FUT8: variants seen among roughly 807,000 people sequenced by gnomAD.
FUT8 encodes alpha-(1,6)-fucosyltransferase.
In FUT8, 29 loss-of-function variants were observed where a neutral mutation model predicts 71.3. The observed-to-expected ratio is 0.41, with a 90% CI of 0.30 to 0.55. The LOEUF is 0.55. Ranked by LOEUF, FUT8 falls within the 20% of genes least tolerant of loss-of-function variation. The pLI is 0.34. For synonymous variants in FUT8, 254 were observed against 239.3 expected, an observed-to-expected ratio of 1.06 and a Z score of -0.57; for missense variants, 544 against 702.1, an observed-to-expected ratio of 0.77 and a Z score of 2.55.
At chr14:65,555,880 TA>T (rs932507388) in intron 2 of FUT8, among the ~76,000 whole-genome samples, 11 of 152,236 alleles carry the variant, frequency 7.2e-5, no homozygotes, top group African/African-American at 2.7e-4. Context: ...GGTATTAGTA[TA>T]AAACCAATAA....
chr14:65,421,735 A>ACC (rs377291691), intron 1 of FUT8, among the ~76,000 whole-genome samples: 1,989 of 34,140 alleles, frequency 0.058, 10 homozygotes, highest in Non-Finnish European at 0.089. Flanking sequence ...AAACCCTTTA[A>ACC]CCCACCCCCC....
chr14:65,647,290 A>G (rs1891165797), intron 6 of FUT8, among the ~76,000 whole-genome samples: 1 of 152,198 alleles, frequency 6.6e-6, no homozygotes, highest in Non-Finnish European at 1.5e-5. Flanking sequence ...ACATTAAAGG[A>G]AGCTGTGAGG....
At chr14:65,686,556 T>A (rs1378935950) in intron 7 of FUT8, among the ~76,000 whole-genome samples, 1 of 152,234 alleles carries the variant, frequency 6.6e-6, no homozygotes, top group African/African-American at 2.4e-5. Context: ...ATTAAAGTTG[T>A]TAGTTTTAAG....
At position 65,693,179 on chromosome 14, in the gene FUT8, G is replaced by A. The variant is rs888314286; in HGVS notation, c.835+23699G>A. On this transcript the variant is annotated intron_variant, in intron 7 of 10. Coordinates refer to ENST00000673929, the MANE Select transcript of FUT8 (RefSeq NM_001371533.1). The stretch of plus-strand genomic sequence containing the variant: ...GCGGCTGGGAGGTGGAGGTTGTAGC[G>A]AGCCGAGATCACGCCACTGCACTCC... Among the ~76,000 whole-genome samples, 16 of 152,248 alleles carry A rather than the reference G, an allele frequency of 1.1e-4. No homozygotes were observed. The South Asian group carries it at 2.1e-3, about 20-fold the overall frequency.
chr14:65,368,342 C>CTTT, the FUT8 span, among the ~76,000 whole-genome samples: 7 of 89,786 alleles, frequency 7.8e-5, 2 homozygotes, highest in Non-Finnish European at 1.2e-4. Flanking sequence ...CGTGAGCCAC[C>CTTT]TTTTTTTTTT....
At chr14:65,463,557 G>A (rs1253391417) in intron 2 of FUT8, among the ~76,000 whole-genome samples, 1 of 152,118 alleles carries the variant, frequency 6.6e-6, no homozygotes, top group Non-Finnish European at 1.5e-5. Context: ...GTCAGCCACC[G>A]TGCCTGGCTA....
intron 7 of FUT8, among the ~76,000 whole-genome samples, chr14:65,698,084 A>C (rs1894089003): frequency 6.6e-6 from 1 of 152,240 alleles, no homozygotes; most frequent in Non-Finnish European, 1.5e-5. Context: ...AAATATTCCA[A>C]GTGAGATTCT....
intron 1 of FUT8, among the ~76,000 whole-genome samples, chr14:65,443,396 C>A (rs1428620854): frequency 7.2e-6 from 1 of 138,822 alleles, no homozygotes; most frequent in East Asian, 2.1e-4. Flanking sequence ...GGCAACAGAG[C>A]GAGACTCCAT....
At chr14:65,459,737 T>A (rs1707083687) in intron 2 of FUT8, among the ~76,000 whole-genome samples, 1 of 152,158 alleles carries the variant, frequency 6.6e-6, no homozygotes, top group Admixed American at 6.5e-5. Context: ...TAAAGTCAGG[T>A]ATAATTGGTA....
intron 2 of FUT8, chr14:65,457,960 A>G (rs1481539013): frequency 6.6e-6 from 1 of 152,050 alleles, no homozygotes; most frequent in Admixed American, 6.6e-5. Flanking sequence ...AGGCGGGCGG[A>G]TCACGAGGTC....
intron 5 of FUT8, among the ~76,000 whole-genome samples, chr14:65,623,727 TAAC>T (rs1443657436): frequency 1.4e-4 from 21 of 151,886 alleles, no homozygotes; most frequent in African/African-American, 2.7e-4. Flanking sequence ...CAAAAAACAA[TAAC>T]AACAACAACA....
intron 6 of FUT8, among the ~76,000 whole-genome samples, chr14:65,649,507 T>C (rs1023563302): frequency 3.3e-5 from 5 of 152,200 alleles, no homozygotes; most frequent in African/African-American, 7.2e-5. Context: ...AAGGACAAGA[T>C]AGATACTGTG....
At chr14:65,435,693 C>T (rs2065545157) in intron 1 of FUT8, among the ~76,000 whole-genome samples, 1 of 151,492 alleles carries the variant, frequency 6.6e-6, no homozygotes, top group African/African-American at 2.4e-5. Flanking sequence ...AATTGTTTTC[C>T]AAAGTGGTTG....
chr14:65,644,652 C>T (rs192145183), intron 6 of FUT8, among the ~76,000 whole-genome samples: 33 of 152,280 alleles, frequency 2.2e-4, no homozygotes, highest in African/African-American at 7.0e-4. Context: ...TGAGCCACCG[C>T]GCCCGGCCAA....
the FUT8 span, among the ~76,000 whole-genome samples, chr14:65,378,837 GTTTT>G: frequency 1.5e-5 from 1 of 66,830 alleles, no homozygotes; most frequent in African/African-American, 5.8e-5. Context: ...TCACAAGAAG[GTTTT>G]TTTTTTTTTT....
rs541330688 is a variant in FUT8 at position 65,443,155 on chromosome 14, A to AATCCC, written c.-325-12464_-325-12460dup. Among the ~76,000 whole-genome samples, 1,171 of 151,922 alleles carry AATCCC rather than the reference A, an allele frequency of 7.7e-3. 34 individuals carry two copies. The highest frequency in any genetic ancestry group is 0.051 in the Admixed American group (771 of 15,256). On this transcript the variant is annotated intron_variant, in intron 1 of 10. Coordinates refer to ENST00000673929, the MANE Select transcript of FUT8 (RefSeq NM_001371533.1). ...GGTGGGTGTGGTGGCTCACGCCTGT[A>AATCCC]ATCCCAGCACTTTGGGAGGCTGAGA...
chr14:65,731,996 G>A (rs188612128), intron 9 of FUT8, among the ~76,000 whole-genome samples: 1 of 152,158 alleles, frequency 6.6e-6, no homozygotes, highest in Admixed American at 6.5e-5. Context: ...CTAGCATTTC[G>A]TATTTCTTTG....
chr14:65,697,719 G>A (rs950745284), intron 7 of FUT8, among the ~76,000 whole-genome samples: 12 of 152,186 alleles, frequency 7.9e-5, no homozygotes, highest in Admixed American at 1.3e-4. Context: ...CAAGGCAGGT[G>A]GATCACCTGC....
At chr14:65,536,378 T>G (rs1431296225) in intron 2 of FUT8, among the ~76,000 whole-genome samples, 1 of 152,208 alleles carries the variant, frequency 6.6e-6, no homozygotes, top group Non-Finnish European at 1.5e-5. Context: ...TGTGTTTTTG[T>G]AGTGGTTGCT....
Sources: allele counts gnomAD v4.1 joint callset (sites outside exome capture counted in the v4.1 genomes callset), GRCh38; gene constraint gnomAD v4.1.1; transcripts MANE v1.5; gene names NCBI Gene and HGNC (gene_info 2026-07-23, HGNC 2026-07-21).